The following KALRN variants were observed in gnomAD, a reference collection of about 807,000 sequenced individuals.
The protein encoded by KALRN is kalirin RhoGEF kinase.
Under a neutral mutation model 353.7 loss-of-function variants are expected in KALRN, and 70 were observed. That is an observed-to-expected ratio of 0.20 (90% confidence interval 0.16 to 0.24). The LOEUF (loss-of-function observed/expected upper bound fraction) is 0.24. Among genes scored for constraint, KALRN ranks in the 10% least tolerant of loss-of-function variants. The pLI, the probability that KALRN is intolerant of heterozygous loss-of-function variation, is 1.00. For synonymous variants in KALRN, 1,391 were observed against 1,434.8 expected, an observed-to-expected ratio of 0.97 and a Z score of 0.69; for missense variants, 2,791 against 3,756.7, an observed-to-expected ratio of 0.74 and a Z score of 6.72.
intron 34 of KALRN, among the ~76,000 whole-genome samples, chr3:124,611,733 G>A (rs1279749458): frequency 6.6e-6 from 1 of 152,220 alleles, no homozygotes; most frequent in Non-Finnish European, 1.5e-5. Context: ...CTGCAAGGCT[G>A]TGGTTCTAGG....
chr3:124,387,059 C>T (rs1028950651), intron 11 of KALRN, among the ~76,000 whole-genome samples: 10 of 152,146 alleles, frequency 6.6e-5, no homozygotes, highest in African/African-American at 2.4e-4. Context: ...TCTTCCTTCT[C>T]CTTACTTTTA....
intron 10 of KALRN, among the ~76,000 whole-genome samples, chr3:124,369,625 G>A (rs2085542773): frequency 1.3e-5 from 2 of 152,068 alleles, no homozygotes; most frequent in African/African-American, 4.8e-5. Flanking sequence ...TACTCCCTTA[G>A]GATTTTTTAA....
intron 3 of KALRN, among the ~76,000 whole-genome samples, chr3:124,251,355 C>CTTTTT (rs57628448): frequency 6.7e-5 from 9 of 133,680 alleles, no homozygotes; most frequent in Admixed American, 7.7e-5. Context: ...CAAGTCTTTG[C>CTTTTT]TTTTTTTTTT....
intron 34 of KALRN, among the ~76,000 whole-genome samples, chr3:124,596,776 G>A (rs112519474): frequency 0.047 from 7,147 of 152,150 alleles, 198 homozygotes; most frequent in Middle Eastern, 0.079. Context: ...GGTCGGGCAC[G>A]GTGGCCCACG....
At position 124,154,349 on chromosome 3, in the gene KALRN, T is replaced by C. The variant is rs145699041; in HGVS notation, c.74-73641T>C. On this transcript the variant is annotated intron_variant, in intron 1 of 59. Transcript: ENST00000682506. ...CCTGTTTGCAGATGACATGATTGTA[T>C]ATCTAGAAAACCCCATTGTCTCAGC... Among the ~76,000 whole-genome samples the C allele has an allele frequency of 2.5e-3, 385 of 152,306 alleles. 1 individual carries two copies. The highest frequency in any genetic ancestry group is 8.6e-3 in the African/African-American group (359 of 41,564).
chr3:124,663,336 G>A (rs2085139300), intron 45 of KALRN, among the ~76,000 whole-genome samples: 1 of 152,164 alleles, frequency 6.6e-6, no homozygotes, highest in African/African-American at 2.4e-5. Context: ...CCTCTGTAAA[G>A]ACCCCATTTC....
At chr3:124,629,793 A>T (rs1163430069) in intron 34 of KALRN, among the ~76,000 whole-genome samples, 2 of 129,034 alleles carry the variant, frequency 1.5e-5, no homozygotes, top group South Asian at 2.4e-4. Flanking sequence ...TTGCTTTTTC[A>T]TTTTTTCTCT....
chr3:124,336,352 A>G (rs2081136800), intron 9 of KALRN, among the ~76,000 whole-genome samples: 1 of 152,074 alleles, frequency 6.6e-6, no homozygotes, highest in African/African-American at 2.4e-5. Context: ...AGCACAGGAG[A>G]GCACAGGAGG....
chr3:124,563,435 C>T (rs989949459), intron 34 of KALRN, among the ~76,000 whole-genome samples: 1 of 152,172 alleles, frequency 6.6e-6, no homozygotes, highest in Non-Finnish European at 1.5e-5. Flanking sequence ...ATGGTTTAGA[C>T]TCATCCTTTC....
At chr3:124,289,843 T>C (rs950195749) in intron 5 of KALRN, among the ~76,000 whole-genome samples, 2 of 152,228 alleles carry the variant, frequency 1.3e-5, no homozygotes, top group Non-Finnish European at 2.9e-5. Flanking sequence ...CTATGAAGGC[T>C]CTTGGCACAG....
chr3:124,394,494 A>G (rs2089913099), intron 11 of KALRN, among the ~76,000 whole-genome samples: 1 of 152,218 alleles, frequency 6.6e-6, no homozygotes, highest in South Asian at 2.1e-4. Flanking sequence ...TTGCTCTTTT[A>G]AAGTTGTCTG....
At position 124,667,186 on chromosome 3, in the gene KALRN, GGGTGCTGGGCTT is replaced by G; in HGVS notation, c.6703+7_6703+18del. On this transcript the variant is annotated splice_donor_5th_base_variant and intron_variant, in intron 47 of 59. Transcript: ENST00000682506. The stretch of plus-strand genomic sequence containing the variant: ...AACACAGCGAGACTTTTTGAATGGT[GGGTGCTGGGCTT>G]GGTTCCTTGCAGGGCTGTGTCAGGG... 1 of 1,613,136 alleles carries G rather than the reference GGGTGCTGGGCTT, an allele frequency of 6.2e-7. No individual in the cohort carries two copies.
intron 1 of KALRN, among the ~76,000 whole-genome samples, chr3:124,198,635 T>G (rs145697202): frequency 7.0e-4 from 107 of 152,336 alleles, no homozygotes; most frequent in African/African-American, 2.5e-3. Context: ...AAGGAGTTCT[T>G]ATTCTGGGTT....
At chr3:124,601,112 A>G (rs1471611983) in intron 34 of KALRN, among the ~76,000 whole-genome samples, 1 of 152,220 alleles carries the variant, frequency 6.6e-6, no homozygotes. Context: ...CATGTATGGC[A>G]TTAGTCTGGT....
intron 1 of KALRN, among the ~76,000 whole-genome samples, chr3:124,104,475 G>T (rs573863507): frequency 6.6e-6 from 1 of 151,924 alleles, no homozygotes; most frequent in Admixed American, 6.6e-5. Flanking sequence ...CTTGGGGAAT[G>T]AAGACTAAAT....
intron 1 of KALRN, among the ~76,000 whole-genome samples, chr3:124,039,742 T>C (rs959924639): frequency 6.6e-6 from 1 of 152,206 alleles, no homozygotes; most frequent in Non-Finnish European, 1.5e-5. Flanking sequence ...AGTCTCTTAC[T>C]TCCTGAGCTT....
chr3:124,383,772 C>T (rs903423878), intron 10 of KALRN, among the ~76,000 whole-genome samples: 1 of 152,092 alleles, frequency 6.6e-6, no homozygotes, highest in African/African-American at 2.4e-5. Flanking sequence ...TCCATAGCAC[C>T]CAGGTCTTCA....
intron 6 of KALRN, among the ~76,000 whole-genome samples, chr3:124,308,280 G>A (rs2077902669): frequency 6.6e-6 from 1 of 151,900 alleles, no homozygotes; most frequent in African/African-American, 2.4e-5. Context: ...GAAGGAAATA[G>A]AATACCTAAA....
chr3:124,395,389 C>A (rs114674371), intron 12 of KALRN, 46 bp downstream of exon 12: 1 of 1,503,670 alleles, frequency 6.7e-7, no homozygotes, highest in Non-Finnish European at 9.1e-7. Context: ...TCGGGCTAGA[C>A]GTGAGATAAG....
Sources: gnomAD v4.1 joint callset for allele counts (sites outside exome capture counted in the v4.1 genomes callset) on GRCh38, gnomAD v4.1.1 for gene constraint, MANE v1.5 for transcripts, NCBI Gene and HGNC (gene_info 2026-07-23, HGNC 2026-07-21) for gene names.